Variants in CFAP221 observed in about 807,000 individuals in gnomAD.
CFAP221 encodes the protein cilia- and flagella-associated protein 221.
CFAP221 carries 97 observed loss-of-function variants against 113.1 expected under a neutral mutation model. The observed-to-expected ratio is 0.86, with a 90% CI of 0.73 to 1.02. CFAP221 has a LOEUF of 1.02. CFAP221 is among the 50% of genes least tolerant of loss of function. The pLI is 0.00. For synonymous variants in CFAP221, 331 were observed against 354.4 expected (o/e 0.93, Z 0.74); for missense variants, 1,025 against 1,013.4 (o/e 1.01, Z -0.16).
At chr2:119,659,841 G>T (rs1688555758), downstream of CFAP221, among the ~76,000 whole-genome samples, 1 of 152,160 alleles carries the variant, frequency 6.6e-6, no homozygotes, top group African/African-American at 2.4e-5. Context: ...GACCTCTGAG[G>T]CAAGGCCTAC....
intron 8 of CFAP221, among the ~76,000 whole-genome samples, chr2:119,602,378 C>T (rs992085178): frequency 1.3e-5 from 2 of 151,980 alleles, no homozygotes; most frequent in Admixed American, 1.3e-4. Context: ...TCATCTCAAA[C>T]AAACAAACAA....
In CFAP221 at chr2:119,559,714, A is replaced by G; in HGVS notation, c.266A>G (p.Asp89Gly). 6.5e-7 allele frequency: 1 copy of G among 1,531,830 alleles called. No homozygotes were observed. Among genetic ancestry groups the G allele is most frequent in the Non-Finnish European group, 8.7e-7 (1 of 1,143,134 alleles). The allele number at this position is 1,531,830 out of a possible 1,614,324, so 94.9% of individuals were successfully genotyped here. The change falls in exon 4 of 24, where the codon GAC becomes GGC. Residue 89 changes from aspartate to glycine, a missense_variant. Physicochemically the swap from Asp to Gly is moderately conservative, Grantham distance 94. Transcript: ENST00000413369. ...CATCTGGTCAATGTTTCCAATGAAG[A>G]CACACGTGTTCATATTTTACCCCCG... is the stretch of plus-strand genomic sequence containing the variant. ...ILHLVNVSNE[D>G]TRVHILPPQT...
At chr2:119,633,303 C>T (rs867561945) in intron 19 of CFAP221, among the ~76,000 whole-genome samples, 1 of 149,286 alleles carries the variant, frequency 6.7e-6, no homozygotes, top group Non-Finnish European at 1.5e-5. Context: ...TTCAATTAGA[C>T]AAAGATTTCT....
At position 119,625,677 on chromosome 2, in the gene CFAP221, C is replaced by G. The variant is rs546995825; in HGVS notation, c.1505C>G (p.Ser502Trp). The G allele has an allele frequency of 5.6e-6, 9 of 1,606,886 alleles. No individual in the cohort carries two copies. The African/African-American group carries it at 1.2e-4, about 21-fold the overall frequency. Residue 502 changes from serine (S) to tryptophan (W), a missense_variant, in exon 15 of 24, where the codon TCG (serine) becomes TGG (tryptophan). Coordinates refer to ENST00000413369, the MANE Select transcript of CFAP221 (RefSeq NM_001271049.2). Reference sequence around the variant, plus strand: ...AGAAAGATTGGCCAAGCAAAACAATCGATAGCACAAGGTGAAGTATGGCTG... The same window carrying G: ...AGAAAGATTGGCCAAGCAAAACAATGGATAGCACAAGGTGAAGTATGGCTG... The part of the protein sequence containing the change: ...ILRKIGQAKQ[S>W]IAQEANFFKF...
chr2:119,576,477 A>T (rs1682452936), intron 6 of CFAP221, among the ~76,000 whole-genome samples: 1 of 152,126 alleles, frequency 6.6e-6, no homozygotes, highest in African/African-American at 2.4e-5. Context: ...TTTCTGCATT[A>T]GTTTGCTATT....
intron 14 of CFAP221, among the ~76,000 whole-genome samples, chr2:119,619,727 A>T (rs1233676510): frequency 6.6e-6 from 1 of 152,182 alleles, no homozygotes; most frequent in Admixed American, 6.5e-5. Context: ...ACAAAACTGG[A>T]TGGAGAATGA....
At chr2:119,619,942 A>T (rs1685786116) in intron 14 of CFAP221, among the ~76,000 whole-genome samples, 1 of 152,200 alleles carries the variant, frequency 6.6e-6, no homozygotes, top group Admixed American at 6.5e-5. Flanking sequence ...TTCATGAAGA[A>T]TACACAAGTA....
intron 22 of CFAP221, among the ~76,000 whole-genome samples, chr2:119,648,829 A>G (rs962955062): frequency 6.6e-6 from 1 of 152,192 alleles, no homozygotes; most frequent in Admixed American, 6.5e-5. Context: ...CAAGAGGCCA[A>G]CTTAGCTGCT....
intron 14 of CFAP221, among the ~76,000 whole-genome samples, chr2:119,624,073 TG>T (rs2104741768): frequency 6.6e-6 from 1 of 152,164 alleles, no homozygotes; most frequent in East Asian, 1.9e-4. Context: ...ATCATCAGAG[TG>T]AACAGGCAAC....
intron 11 of CFAP221, 147 bp from the exon 12 acceptor site, chr2:119,608,355 C>G (rs1362823712): frequency 7.6e-6 from 4 of 523,102 alleles, no homozygotes; most frequent in African/African-American, 1.9e-5. Flanking sequence ...TTGCTGAAGC[C>G]TCTATAACTA....
intron 6 of CFAP221, among the ~76,000 whole-genome samples, chr2:119,569,022 A>G (rs1352166002): frequency 1.3e-5 from 2 of 149,578 alleles, no homozygotes; most frequent in African/African-American, 4.9e-5. Flanking sequence ...TAAATATTTC[A>G]CTCCACTCTC....
intron 16 of CFAP221, among the ~76,000 whole-genome samples, chr2:119,628,294 GGTGTGTGTGTGT>G (rs70949303): frequency 1.5e-5 from 2 of 137,586 alleles, no homozygotes; most frequent in East Asian, 2.2e-4. Context: ...CTCTCTGGGG[GGTGTGTGTGTGT>G]GTGTGTGTGT....
At chr2:119,557,867 G>T (rs1450712001) in intron 3 of CFAP221, among the ~76,000 whole-genome samples, 1 of 151,398 alleles carries the variant, frequency 6.6e-6, no homozygotes, top group Non-Finnish European at 1.5e-5. Context: ...GCTGGGCCAG[G>T]AGAATCACTT....
chr2:119,566,646 T>C (rs781439281), intron 6 of CFAP221, among the ~76,000 whole-genome samples: 6 of 152,184 alleles, frequency 3.9e-5, no homozygotes, highest in Non-Finnish European at 8.8e-5. Context: ...GGCCTAGAAA[T>C]GTGCACCTCT....
At chr2:119,574,240 A>G (rs1682272091) in intron 6 of CFAP221, among the ~76,000 whole-genome samples, 1 of 151,896 alleles carries the variant, frequency 6.6e-6, no homozygotes, top group African/African-American at 2.4e-5. Context: ...AGATGATTGT[A>G]TGTACCAGGG....
At chr2:119,589,562 G>A (rs548001332) in intron 7 of CFAP221, 2 of 152,218 alleles carry the variant, frequency 1.3e-5, no homozygotes, top group Non-Finnish European at 2.9e-5. Flanking sequence ...AAAGACTTGG[G>A]ACATCCCTAG....
chr2:119,651,444 A>G (rs1688121276), intron 22 of CFAP221, among the ~76,000 whole-genome samples: 1 of 152,186 alleles, frequency 6.6e-6, no homozygotes, highest in African/African-American at 2.4e-5. Flanking sequence ...CCCTAGAGAA[A>G]AAGTTTACTG....
At chr2:119,656,301 G>T in intron 23 of CFAP221, 61 bp from the exon 24 acceptor site, 1 of 1,343,064 alleles carries the variant, frequency 7.4e-7, no homozygotes, top group East Asian at 2.3e-5. Context: ...CTGGCGGGGG[G>T]TGATTTGCGT....
chr2:119,596,433 A>G (rs74595138), intron 7 of CFAP221, among the ~76,000 whole-genome samples: 4,200 of 152,312 alleles, frequency 0.028, 71 homozygotes, highest in Non-Finnish European at 0.041. Context: ...AGCAGCTTAT[A>G]TACTTGATGG....
Sources: allele counts gnomAD v4.1 joint callset (sites outside exome capture counted in the v4.1 genomes callset), GRCh38; gene constraint gnomAD v4.1.1; transcripts MANE v1.5; gene names NCBI Gene and HGNC (gene_info 2026-07-23, HGNC 2026-07-21).